The following KRABD3 variants were observed in gnomAD, a reference collection of about 807,000 sequenced individuals.
The protein encoded by KRABD3 is KRAB domain-containing protein 3.
the KRABD3 span, chr7:149,720,797 C>T: frequency 4.7e-5 from 73 of 1,546,526 alleles, no homozygotes; most frequent in South Asian, 8.3e-5. Flanking sequence ...GCTGAGCAGC[C>T]GCAGGGGTGC....
the KRABD3 span, chr7:149,734,289 T>G: frequency 1.1e-5 from 6 of 539,916 alleles, no homozygotes; most frequent in Admixed American, 1.4e-4. Flanking sequence ...CAAATGTTGC[T>G]TCCCTCTCCT....
the KRABD3 span, chr7:149,723,583 G>A: frequency 2.8e-6 from 2 of 714,354 alleles, no homozygotes; most frequent in African/African-American, 1.8e-5. Flanking sequence ...CAGGTGTGTG[G>A]ACCCAGGCAC....
the KRABD3 span, chr7:149,720,137 C>A: frequency 6.4e-7 from 1 of 1,551,378 alleles, no homozygotes; most frequent in Non-Finnish European, 8.7e-7. Flanking sequence ...GGTAAGTTAT[C>A]TGTCAGACTT....
At chr7:149,724,598 C>T in the KRABD3 span, 1 of 1,336,362 alleles carries the variant, frequency 7.5e-7, no homozygotes, top group Non-Finnish European at 9.9e-7. Context: ...TCAAGGGATT[C>T]TCAGGGTGAG....
chr7:149,729,679 T>A, the KRABD3 span: 1 of 985,422 alleles, frequency 1.0e-6, no homozygotes, highest in Non-Finnish European at 1.2e-6. Flanking sequence ...TCCAGCAGAA[T>A]TCCTTCCTAG....
chr7:149,733,285 G>A, the KRABD3 span: 14 of 1,612,554 alleles, frequency 8.7e-6, no homozygotes, highest in East Asian at 6.7e-5. Flanking sequence ...TGCCCCCTCC[G>A]GAAGCTGCGC....
At chr7:149,720,588 T>G in the KRABD3 span, among the ~76,000 whole-genome samples, 2 of 152,162 alleles carry the variant, frequency 1.3e-5, no homozygotes. Context: ...GGCATGGAGA[T>G]TAATGAGTAA....
chr7:149,728,797 C>A, the KRABD3 span: 1 of 1,148,782 alleles, frequency 8.7e-7, no homozygotes, highest in Non-Finnish European at 1.2e-6. Context: ...CAGACCTGGG[C>A]AGAGCCTTGT....
At chr7:149,729,517 G>A in the KRABD3 span, 7 of 1,257,858 alleles carry the variant, frequency 5.6e-6, no homozygotes, top group African/African-American at 9.3e-5. Flanking sequence ...AACAGAAACT[G>A]AGGTTCGCTA....
chr7:149,719,388 C>A, the KRABD3 span: 1 of 702,108 alleles, frequency 1.4e-6, no homozygotes, highest in Non-Finnish European at 2.2e-6. The surrounding 1 kb of genome is among the most constrained non-coding windows in gnomAD (Gnocchi z 5.6). Context: ...ACAGCTCACC[C>A]CCAGCACTGT....
chr7:149,730,030 C>T, the KRABD3 span: 10 of 1,385,982 alleles, frequency 7.2e-6, no homozygotes, highest in South Asian at 5.4e-5. Flanking sequence ...TCCACTAGAA[C>T]GCATGCTGAT....
chr7:149,731,747 A>T, the KRABD3 span: 2 of 1,611,936 alleles, frequency 1.2e-6, no homozygotes, highest in South Asian at 2.2e-5. Flanking sequence ...AGAGGCCTGG[A>T]GCTTGGACAT....
the KRABD3 span, among the ~76,000 whole-genome samples, chr7:149,724,105 A>G: frequency 6.6e-6 from 1 of 152,282 alleles, no homozygotes; most frequent in Admixed American, 6.5e-5. Flanking sequence ...TGGCTCTTAG[A>G]GGAGGAGCTG....
chr7:149,728,492 C>G, the KRABD3 span: 1 of 1,608,964 alleles, frequency 6.2e-7, no homozygotes, highest in African/African-American at 1.3e-5. Context: ...AGCTACAGTC[C>G]CCCTCATCTG....
At chr7:149,733,500 G>A in the KRABD3 span, 17 of 1,584,916 alleles carry the variant, frequency 1.1e-5, no homozygotes, top group East Asian at 2.1e-4. Flanking sequence ...GGGCCAATGG[G>A]CCAAGCTTCC....
the KRABD3 span, among the ~76,000 whole-genome samples, chr7:149,731,379 TG>T: frequency 6.6e-6 from 1 of 152,156 alleles, no homozygotes; most frequent in Non-Finnish European, 1.5e-5. Context: ...AGCACGCCCT[TG>T]GAAGTCTCAC....
chr7:149,724,571 C>A, the KRABD3 span: 1 of 1,100,284 alleles, frequency 9.1e-7, no homozygotes, highest in Non-Finnish European at 1.2e-6. Flanking sequence ...GAAGCCCCTC[C>A]TAACCCTATA....
chr7:149,721,330 C>T, the KRABD3 span: 4 of 1,533,962 alleles, frequency 2.6e-6, no homozygotes, highest in Non-Finnish European at 3.5e-6. Context: ...GACAGTGTGA[C>T]AATGTTAGGG....
chr7:149,717,997 C>T, the KRABD3 span, among the ~76,000 whole-genome samples: 1 of 152,110 alleles, frequency 6.6e-6, no homozygotes, highest in Non-Finnish European at 1.5e-5. Flanking sequence ...GGGGTTTCAC[C>T]ATGTTGGCCA....
Sources: allele counts gnomAD v4.1 joint callset (sites outside exome capture counted in the v4.1 genomes callset), GRCh38; gene constraint gnomAD v4.1.1; non-coding constraint Gnocchi (gnomAD v3.1); transcripts MANE v1.5; gene names NCBI Gene and HGNC (gene_info 2026-07-23, HGNC 2026-07-21).